Variants in ADAM23 observed in about 807,000 individuals in gnomAD.
The protein encoded by ADAM23 is ADAM metallopeptidase domain 23.
In ADAM23, 33 loss-of-function variants were observed where a neutral mutation model predicts 120.1. The ratio of observed to expected loss-of-function variants is 0.27; its 90% CI spans 0.21 to 0.37. The LOEUF is 0.37. ADAM23 is among the 10% of genes least tolerant of loss of function. The pLI, the probability that ADAM23 is intolerant of heterozygous loss-of-function variation, is 1.00. For missense variants in ADAM23, 862 were observed against 1,058.2 expected (o/e 0.81, Z 2.57); for synonymous variants, 367 against 375.2 (o/e 0.98, Z 0.25).
chr2:206,469,016 C>G (rs1008781816), intron 2 of ADAM23, among the ~76,000 whole-genome samples: 15 of 152,208 alleles, frequency 9.9e-5, no homozygotes, highest in African/African-American at 3.6e-4. Flanking sequence ...GATGACAGCT[C>G]CAAGGGGGAT....
chr2:206,454,400 G>C (rs1695254318), intron 2 of ADAM23, among the ~76,000 whole-genome samples: 1 of 152,026 alleles, frequency 6.6e-6, no homozygotes, highest in Admixed American at 6.6e-5. Flanking sequence ...CTCCCACCAG[G>C]TCCCTACCCC....
At position 206,592,678 on chromosome 2, in the gene ADAM23, C is replaced by T; in HGVS notation, c.2020C>T (p.Leu674Phe). 6.2e-7 allele frequency: 1 copy of T among 1,614,004 alleles called. No individual in the cohort carries two copies. Among genetic ancestry groups the T allele is most frequent in the Non-Finnish European group, 8.5e-7 (1 of 1,179,938 alleles). The part of the protein sequence containing the change: ...NLTRAPRIGQ[L>F]QGEIIPTSFY... ...TACTCGAGCTCCACGTATTGGTCAA[C>T]TTCAGGGTGAGATCATTCCAACTTC... Residue 674 changes from leucine (L) to phenylalanine (F), a missense_variant, in exon 22 of 26, where the codon CTT becomes TTT. Transcript: ENST00000264377.
Position 206,542,135 on chromosome 2 carries a change from G to A in ADAM23, c.656+1G>A, listed in dbSNP as rs1464654422. 6.2e-7 allele frequency: 1 copy of A among 1,613,850 alleles called. No individual in the cohort carries two copies. Among genetic ancestry groups the A allele is most frequent in the Admixed American group, 1.7e-5 (1 of 60,024 alleles). On this transcript the variant is annotated splice_donor_variant, in intron 5 of 25. Transcript: ENST00000264377. LOFTEE classifies it high-confidence loss of function. Reference sequence around the variant, plus strand: ...CTCTGTCAACCTGCAATGGACTTCAGTAAGTGGGAATCTCATTGGCATTTT... The same window carrying A: ...CTCTGTCAACCTGCAATGGACTTCAATAAGTGGGAATCTCATTGGCATTTT...
chr2:206,582,401 T>G (rs1698236157), intron 18 of ADAM23, among the ~76,000 whole-genome samples: 1 of 152,162 alleles, frequency 6.6e-6, no homozygotes, highest in Admixed American at 6.5e-5. Flanking sequence ...GAATGCCTTT[T>G]CCACCCCTTT....
intron 3 of ADAM23, among the ~76,000 whole-genome samples, chr2:206,499,736 C>G (rs1353150431): frequency 1.3e-5 from 2 of 152,112 alleles, no homozygotes; most frequent in Admixed American, 1.3e-4. Flanking sequence ...CACTAATGTT[C>G]TCATGTCTGA....
chr2:206,564,180 C>CTA (rs951026974), intron 13 of ADAM23, among the ~76,000 whole-genome samples: 4 of 151,766 alleles, frequency 2.6e-5, no homozygotes, highest in Non-Finnish European at 5.9e-5. Context: ...ATACCTCTCT[C>CTA]TATATATATA....
At chr2:206,546,455 G>C (rs1179068017) in intron 6 of ADAM23, among the ~76,000 whole-genome samples, 1 of 152,086 alleles carries the variant, frequency 6.6e-6, no homozygotes, top group South Asian at 2.1e-4. Flanking sequence ...TAAATGAATA[G>C]CAAAACTGTT....
intron 9 of ADAM23, among the ~76,000 whole-genome samples, chr2:206,554,959 C>T (rs1314015324): frequency 6.6e-6 from 1 of 152,060 alleles, no homozygotes; most frequent in African/African-American, 2.4e-5. Flanking sequence ...GACGTGGTAG[C>T]TCTCTCACCT....
intron 2 of ADAM23, among the ~76,000 whole-genome samples, chr2:206,475,975 A>G (rs950474885): frequency 2.6e-5 from 4 of 152,202 alleles, no homozygotes; most frequent in Non-Finnish European, 5.9e-5. Context: ...ACATGTATAC[A>G]GTGTAGCTGC....
Position 206,573,066 on chromosome 2 carries a change from C to T in ADAM23, c.1657-49C>T, listed in dbSNP as rs186605252. 1.3e-3 allele frequency: 2,046 copies of T among 1,577,168 alleles called. 3 individuals are homozygous for T. Among genetic ancestry groups the T allele is most frequent in the Non-Finnish European group, 1.5e-3 (1,757 of 1,146,388 alleles). ...TGAGTCTAAGAATGTTATAATAACT[C>T]TGAAATATTATGTAATGCTAACTCT... On this transcript the variant is annotated intron_variant, in intron 17 of 25. Transcript: ENST00000264377.
Position 206,618,404 on chromosome 2 carries a change from A to G in ADAM23, c.*777A>G, listed in dbSNP as rs1008878794. On this transcript the variant is annotated 3_prime_UTR_variant, in exon 26 of 26. Coordinates refer to ENST00000264377, the MANE Select transcript of ADAM23 (RefSeq NM_003812.4). ...GGAAATGGGAGCTGGAATTTGAACA[A>G]TGATGCTATTGTATAGTTCTTTTAT... 2.0e-5 allele frequency: 3 copies of G among 152,202 alleles called. No homozygotes were observed. The highest frequency in any genetic ancestry group is 4.4e-5 in the Non-Finnish European group (3 of 68,054). 9.4% of individuals were successfully genotyped at this position (152,202 alleles called of 1,614,324 possible).
intron 24 of ADAM23, chr2:206,609,603 G>C (rs1458118915): frequency 6.8e-6 from 2 of 294,810 alleles, no homozygotes; most frequent in Non-Finnish European, 1.3e-5. Flanking sequence ...TACTGGGAGA[G>C]GGGAAGAGAA....
intron 20 of ADAM23, among the ~76,000 whole-genome samples, chr2:206,589,035 G>T (rs1698378446): frequency 6.6e-6 from 1 of 152,214 alleles, no homozygotes; most frequent in South Asian, 2.1e-4. Flanking sequence ...AAGAATGTTA[G>T]TTTCCTGTGT....
chr2:206,581,083 G>GT (rs1353303585), intron 18 of ADAM23, among the ~76,000 whole-genome samples: 2 of 151,972 alleles, frequency 1.3e-5, no homozygotes, highest in African/African-American at 4.8e-5. Context: ...TCTTAGTGAG[G>GT]TTTTTTTGGA....
chr2:206,568,050 T>C (rs764764073), intron 15 of ADAM23, among the ~76,000 whole-genome samples: 1 of 152,024 alleles, frequency 6.6e-6, no homozygotes, highest in East Asian at 1.9e-4. Flanking sequence ...CAGTGGAGAG[T>C]AGAACTCAAG....
chr2:206,505,870 C>T (rs747393448), intron 3 of ADAM23, among the ~76,000 whole-genome samples: 8 of 152,292 alleles, frequency 5.3e-5, no homozygotes, highest in Middle Eastern at 3.4e-3. Context: ...TGGATCTCCA[C>T]CGGCTGTCTA....
chr2:206,589,837 A>G (rs1698392023), intron 21 of ADAM23, among the ~76,000 whole-genome samples: 1 of 152,196 alleles, frequency 6.6e-6, no homozygotes, highest in Admixed American at 6.5e-5. Context: ...TACTTTTACT[A>G]GAATATATGG....
intron 22 of ADAM23, among the ~76,000 whole-genome samples, chr2:206,593,479 AT>A (rs1339142717): frequency 6.6e-6 from 1 of 152,162 alleles, no homozygotes; most frequent in Non-Finnish European, 1.5e-5. Context: ...GTAATATAAG[AT>A]TTGGGATTAT....
At chr2:206,452,480 G>A (rs1205554602) in intron 2 of ADAM23, among the ~76,000 whole-genome samples, 1 of 152,076 alleles carries the variant, frequency 6.6e-6, no homozygotes, top group Non-Finnish European at 1.5e-5. Context: ...TAGCAGGGTG[G>A]ACCACTGTCC....
Sources: allele counts gnomAD v4.1 joint callset (sites outside exome capture counted in the v4.1 genomes callset), GRCh38; gene constraint gnomAD v4.1.1; transcripts MANE v1.5; gene names NCBI Gene and HGNC (gene_info 2026-07-23, HGNC 2026-07-21).